The following SMC5 variants were observed in gnomAD, a reference collection of about 807,000 sequenced individuals.
The protein encoded by SMC5 is structural maintenance of chromosomes 5, also known as structural maintenance of chromosomes protein 5.
In SMC5, 88 loss-of-function variants were observed where a neutral mutation model predicts 148.3. The observed-to-expected ratio is 0.59, with a 90% CI of 0.50 to 0.71. The LOEUF (loss-of-function observed/expected upper bound fraction) is 0.71, where lower values mean the gene tolerates loss of function less well. Ranked by LOEUF, SMC5 falls within the 30% of genes least tolerant of loss-of-function variation. The probability of loss-of-function intolerance (pLI) is 0.00; values close to 1 mark genes in which losing one functional copy is unlikely to be tolerated. For missense variants in SMC5, 1,142 were observed against 1,298.9 expected, an observed-to-expected ratio of 0.88 and a Z score of 1.86; for synonymous variants, 421 against 432.8, an observed-to-expected ratio of 0.97 and a Z score of 0.34.
At chr9:70,312,043 C>T (rs150417831) in intron 11 of SMC5, 1 of 135,664 alleles carries the variant, frequency 7.4e-6, no homozygotes, top group East Asian at 2.3e-4. Context: ...ATCTCTTGAA[C>T]CTGGGAGGCG....
At chr9:70,264,233 C>T in intron 1 of SMC5, 71 bp from the exon 2 acceptor site, 1 of 1,408,798 alleles carries the variant, frequency 7.1e-7, no homozygotes, top group South Asian at 1.4e-5. Flanking sequence ...TGAGGAAGCT[C>T]ATAGATAATG....
chr9:70,306,942 A>G (rs2035516985), intron 11 of SMC5, among the ~76,000 whole-genome samples: 1 of 152,108 alleles, frequency 6.6e-6, no homozygotes, highest in East Asian at 1.9e-4. Context: ...AATCTTCACA[A>G]TTTTTGCCAT....
chr9:70,336,788 C>T (rs1219869275), intron 17 of SMC5, among the ~76,000 whole-genome samples: 1 of 152,164 alleles, frequency 6.6e-6, no homozygotes, highest in African/African-American at 2.4e-5. Flanking sequence ...CAGGCAGATA[C>T]TATTAATATG....
chr9:70,346,488 T>C, intron 18 of SMC5, 117 bp from the exon 19 acceptor site: 1 of 998,962 alleles, frequency 1.0e-6, no homozygotes, highest in Non-Finnish European at 1.6e-6. Context: ...AATTCAACTG[T>C]CAAAGTAATT....
chr9:70,318,462 T>A, intron 13 of SMC5, 52 bp from the exon 14 acceptor site: 2 of 1,343,184 alleles, frequency 1.5e-6, no homozygotes, highest in Admixed American at 4.9e-5. Context: ...TTTAGTACTT[T>A]AAAACATATA....
rs116592205 is a variant in SMC5 at position 70,268,698 on chromosome 9, T to C, written c.380+723T>C. Among the ~76,000 whole-genome samples the C allele has an allele frequency of 6.7e-3, 1,027 of 152,242 alleles. 11 individuals are homozygous for C. Among genetic ancestry groups the C allele is most frequent in the African/African-American group, 0.023 (963 of 41,538 alleles). ...TGTATAATGTTGAAAATAAAAGCCT[T>C]CTTGCCATCATTCCTAATTCTATAA... On this transcript the variant is annotated intron_variant, in intron 3 of 24. Transcript: ENST00000361138.
At position 70,346,588 on chromosome 9, in the gene SMC5, C is replaced by T; in HGVS notation, c.2524-17C>T. On this transcript the variant is annotated splice_polypyrimidine_tract_variant and intron_variant, in intron 18 of 24. Coordinates refer to ENST00000361138, the MANE Select transcript of SMC5 (RefSeq NM_015110.4). The stretch of plus-strand genomic sequence containing the variant: ...TTTCAATGCCCCACATATTCTGGAC[C>T]CATTCTACCAATTCAGCAAGTACCC... 1 of 1,613,606 alleles carries T rather than the reference C, an allele frequency of 6.2e-7. No individual in the cohort carries two copies. The highest frequency in any genetic ancestry group is 8.5e-7 in the Non-Finnish European group (1 of 1,179,612).
chr9:70,285,993 C>T (rs541661611), intron 7 of SMC5, among the ~76,000 whole-genome samples: 3 of 152,142 alleles, frequency 2.0e-5, no homozygotes, highest in South Asian at 2.1e-4. Context: ...AACATGCATG[C>T]GTATTACTGC....
chr9:70,266,076 A>G (rs1457269389), intron 2 of SMC5, among the ~76,000 whole-genome samples: 2 of 152,208 alleles, frequency 1.3e-5, no homozygotes, highest in African/African-American at 4.8e-5. Flanking sequence ...AACATTTCTA[A>G]AAGTTAATTG....
intron 17 of SMC5, among the ~76,000 whole-genome samples, chr9:70,329,992 G>T (rs2036179697): frequency 1.3e-5 from 2 of 152,096 alleles, no homozygotes. Context: ...ATCAGATCTT[G>T]TGAGAACTCA....
At chr9:70,321,279 C>T (rs1026995948) in intron 15 of SMC5, among the ~76,000 whole-genome samples, 4 of 152,088 alleles carry the variant, frequency 2.6e-5, no homozygotes, top group Non-Finnish European at 4.4e-5. Context: ...GGGTTTATCT[C>T]ACTCATTTAG....
chr9:70,264,728 T>C (rs779995567), intron 2 of SMC5, among the ~76,000 whole-genome samples: 1 of 152,048 alleles, frequency 6.6e-6, no homozygotes, highest in Non-Finnish European at 1.5e-5. Flanking sequence ...AACAGTGAAG[T>C]AAACTTACAA....
chr9:70,297,995 A>G lies in SMC5; in HGVS notation c.1083A>G (p.Val361=). 6.2e-7 allele frequency: 1 copy of G among 1,613,688 alleles called. No homozygotes were observed. The highest frequency in any genetic ancestry group is 8.5e-7 in the Non-Finnish European group (1 of 1,179,884). The change falls in exon 9 of 25, where the codon GTA becomes GTG. Residue 361 remains valine (V), a synonymous_variant. Coordinates refer to ENST00000361138, the MANE Select transcript of SMC5 (RefSeq NM_015110.4). ...AGGAACTTCAGCAGGCTTTAATAGT[A>G]AAGCAAAATGAAGAGCTTGACCGAC... ...HIEELQQALI[V]KQNEELDRQR... is the part of the protein sequence containing the mutation.
At chr9:70,315,603 T>G (rs1358361422) in intron 13 of SMC5, 25 bp downstream of exon 13, 2 of 1,468,288 alleles carry the variant, frequency 1.4e-6, no homozygotes, top group Non-Finnish European at 1.8e-6. Context: ...AATCATGTAC[T>G]GAATCATGTA....
At chr9:70,283,041 T>C (rs1037273282) in intron 7 of SMC5, among the ~76,000 whole-genome samples, 2 of 152,208 alleles carry the variant, frequency 1.3e-5, no homozygotes, top group Non-Finnish European at 2.9e-5. Flanking sequence ...ATTTTGAAGT[T>C]AGAGATTATT....
intron 10 of SMC5, among the ~76,000 whole-genome samples, chr9:70,302,583 T>C (rs922748450): frequency 6.6e-6 from 1 of 151,954 alleles, no homozygotes; most frequent in Non-Finnish European, 1.5e-5. Context: ...GGCTGGAGAA[T>C]TGCTTGAACC....
chr9:70,300,159 G>A lies in SMC5; in HGVS notation c.1423G>A (p.Asp475Asn). Residue 475 changes from aspartate to asparagine, a missense_variant, in exon 10 of 25, where the codon GAC (aspartate) becomes AAC (asparagine). By Grantham distance (23) the Asp-to-Asn change is conservative (BLOSUM62 1). Transcript: ENST00000361138. ...TGTTTTATGGCTAAGAAATAACAGA[G>A]ACAAATTTAAACAAAGAGTCTGTGA... ...DAVLWLRNNR[D>N]KFKQRVCEPI... 1 of 1,602,060 alleles carries A rather than the reference G, an allele frequency of 6.2e-7. No homozygotes were observed. Among genetic ancestry groups the A allele is most frequent in the South Asian group, 1.1e-5 (1 of 88,376 alleles).
At chr9:70,325,344 G>A (rs964517060) in intron 17 of SMC5, among the ~76,000 whole-genome samples, 1 of 152,130 alleles carries the variant, frequency 6.6e-6, no homozygotes, top group Admixed American at 6.6e-5. Flanking sequence ...CAGAATACAA[G>A]TGCGTAAAAT....
In SMC5 at chr9:70,352,571, G is replaced by A. The variant is rs142646144; in HGVS notation, c.*240G>A. 3.0e-4 allele frequency: 123 copies of A among 414,406 alleles called. No homozygotes were observed. The highest frequency in any genetic ancestry group is 2.4e-3 in the African/African-American group (119 of 50,308). 25.7% of individuals were successfully genotyped at this position (414,406 alleles called of 1,614,324 possible). A position where few individuals can be genotyped will look rare whatever the true frequency, so the allele number is the denominator to read the frequency against. On this transcript the variant is annotated 3_prime_UTR_variant, in exon 25 of 25. Coordinates refer to ENST00000361138, the MANE Select transcript of SMC5 (RefSeq NM_015110.4). ...TGAGTTCTTGGCACTCTGACCATGA[G>A]TCATTCAGTTCTCATGTTAAAATGT...
Sources: allele counts gnomAD v4.1 joint callset (sites outside exome capture counted in the v4.1 genomes callset), GRCh38; gene constraint gnomAD v4.1.1; transcripts MANE v1.5; gene names NCBI Gene and HGNC (gene_info 2026-07-23, HGNC 2026-07-21).